CASK: variants seen among roughly 807,000 people sequenced by gnomAD.
The protein encoded by CASK is peripheral plasma membrane protein CASK.
CASK carries 4 observed loss-of-function variants against 82.9 expected under a neutral mutation model. The ratio of observed to expected loss-of-function variants is 0.05; its 90% CI spans 0.02 to 0.11. The LOEUF (loss-of-function observed/expected upper bound fraction) is 0.11. Ranked by LOEUF, CASK falls within the 10% of genes least tolerant of loss-of-function variation. The pLI is 1.00. For synonymous variants in CASK, 259 were observed against 253.5 expected (o/e 1.02, Z -0.20); for missense variants, 358 against 720.9 (o/e 0.50, Z 5.76).
chrX:41,770,201 GTT>G (rs112128637), intron 3 of CASK, among the ~76,000 whole-genome samples: 77 of 97,975 alleles, frequency 7.9e-4, no homozygotes, highest in African/African-American at 2.6e-3. Flanking sequence ...AGCTGAGCTT[GTT>G]TTTTTTTTTT....
intron 2 of CASK, among the ~76,000 whole-genome samples, chrX:41,840,960 G>A (rs1411446805): frequency 9.0e-6 from 1 of 111,697 alleles, no homozygotes; most frequent in Non-Finnish European, 1.9e-5. Flanking sequence ...TGACCATTTG[G>A]TTTGTTTCCA....
chrX:41,809,553 A>C (rs924730808), intron 2 of CASK, among the ~76,000 whole-genome samples: 5 of 112,435 alleles, frequency 4.4e-5, no homozygotes, highest in African/African-American at 1.6e-4. Context: ...GAAAACTAAC[A>C]AACAGAAAGG....
At chrX:41,772,684 T>C (rs902242454) in intron 3 of CASK, among the ~76,000 whole-genome samples, 4 of 111,196 alleles carry the variant, frequency 3.6e-5, no homozygotes. Flanking sequence ...GATTTAGAGG[T>C]GAGTTCTACA....
At chrX:41,596,461 G>A (rs1001497693) in intron 12 of CASK, among the ~76,000 whole-genome samples, 3 of 112,180 alleles carry the variant, frequency 2.7e-5, no homozygotes, top group African/African-American at 9.7e-5. Flanking sequence ...AAGTTATATT[G>A]GAATGACAAA....
At chrX:41,534,381 A>G (rs1383279937) in intron 24 of CASK, among the ~76,000 whole-genome samples, 2 of 89,273 alleles carry the variant, frequency 2.2e-5, no homozygotes, top group Middle Eastern at 5.4e-3. Context: ...GATAAAACTA[A>G]TTTTATTTAA....
chrX:41,574,263 C>T (rs1367536381), intron 15 of CASK, among the ~76,000 whole-genome samples: 1 of 110,906 alleles, frequency 9.0e-6, no homozygotes, highest in Non-Finnish European at 1.9e-5. Flanking sequence ...GCCTACTCTG[C>T]CTTAGTTCCC....
chrX:41,809,853 C>T (rs146122278), intron 2 of CASK, among the ~76,000 whole-genome samples: 133 of 111,485 alleles, frequency 1.2e-3, no homozygotes, highest in African/African-American at 4.1e-3. Flanking sequence ...AAAGATGAGA[C>T]GAATGGCTAA....
intron 8 of CASK, among the ~76,000 whole-genome samples, chrX:41,653,068 T>C (rs997084198): frequency 8.0e-5 from 9 of 112,610 alleles, no homozygotes; most frequent in Non-Finnish European, 1.7e-4. Context: ...GCTGATTACT[T>C]GCTTCTTAAT....
Position 41,905,647 on chromosome X carries a change from G to A in CASK, c.59+17283C>T, listed in dbSNP as rs1332970892. ...GCAGGATTTGGCCTATGGCCCCTTC[G>A]CTTTGCCTAAGGCTGGGTGGGACTA... is the stretch of plus-strand genomic sequence containing the variant. On this transcript the variant is annotated intron_variant, in intron 1 of 26. Coordinates refer to ENST00000378163, the MANE Select transcript of CASK (RefSeq NM_001367721.1). Among the ~76,000 whole-genome samples the A allele has an allele frequency of 4.4e-5, 5 of 113,107 alleles. No individual in the cohort carries two copies. In the South Asian group the frequency reaches 1.1e-3, roughly 24 times the overall value.
chrX:41,726,515 A>G (rs2068263249), intron 5 of CASK, among the ~76,000 whole-genome samples: 1 of 111,749 alleles, frequency 8.9e-6, no homozygotes, highest in African/African-American at 3.3e-5. Flanking sequence ...ACAAAAAGAC[A>G]CCATTTTGAA....
intron 3 of CASK, among the ~76,000 whole-genome samples, chrX:41,751,309 GA>G (rs1275287666): frequency 9.0e-6 from 1 of 111,049 alleles, no homozygotes; most frequent in Non-Finnish European, 1.9e-5. Context: ...GGCTGGTCTG[GA>G]ATTCCCGGGC....
intron 22 of CASK, among the ~76,000 whole-genome samples, chrX:41,540,349 C>T (rs1259420913): frequency 8.9e-6 from 1 of 112,135 alleles, no homozygotes; most frequent in East Asian, 2.8e-4. Context: ...TAGGCTCCTG[C>T]CTTCTATGTC....
chrX:41,614,729 C>T (rs2066164596), intron 11 of CASK, among the ~76,000 whole-genome samples: 1 of 111,782 alleles, frequency 8.9e-6, no homozygotes, highest in South Asian at 3.7e-4. Context: ...CCATGTTGGT[C>T]AGGTTGGTCT....
chrX:41,646,660 C>T (rs1488969616), intron 8 of CASK, among the ~76,000 whole-genome samples: 2 of 111,806 alleles, frequency 1.8e-5, no homozygotes, highest in Admixed American at 1.9e-4. Context: ...TCAGTATCAA[C>T]GTAGACCCAG....
At chrX:41,559,503 C>T (rs1355152532) in intron 18 of CASK, 12 of 321,666 alleles carry the variant, frequency 3.7e-5, no homozygotes, top group Non-Finnish European at 5.5e-5. Flanking sequence ...TCCGTTTTTT[C>T]CTTATTAAGC....
At chrX:41,650,859 A>G (rs2066854295) in intron 8 of CASK, among the ~76,000 whole-genome samples, 1 of 111,826 alleles carries the variant, frequency 8.9e-6, no homozygotes, top group Non-Finnish European at 1.9e-5. Flanking sequence ...ATAAATACAC[A>G]TGGACAAATA....
chrX:41,553,736 A>G lies in CASK; in HGVS notation c.2022T>C (p.Ser674=), dbSNP rs2065127897. The G allele has an allele frequency of 8.3e-7, 1 of 1,201,961 alleles. No individual in the cohort carries two copies. Among genetic ancestry groups the G allele is most frequent in the Non-Finnish European group, 1.1e-6 (1 of 887,386 alleles). Residue 674 remains serine, a synonymous_variant, in exon 21 of 27, where the codon TCT becomes TCC. Transcript: ENST00000378163. ...AAACATACCATTCCTGAAGTTCAGG[A>G]GAAGGAATGAGACCTGCAGTTCCAT... ...SKNGTAGLIP[S]PELQEWRVAC... is the part of the protein sequence containing the mutation.
intron 4 of CASK, among the ~76,000 whole-genome samples, chrX:41,741,454 T>C (rs2068596694): frequency 8.9e-6 from 1 of 112,234 alleles, no homozygotes; most frequent in Non-Finnish European, 1.9e-5. Flanking sequence ...AAAGTGGACA[T>C]AGCTTGTACC....
chrX:41,605,648 A>G (rs773574947), intron 12 of CASK, among the ~76,000 whole-genome samples: 3 of 111,912 alleles, frequency 2.7e-5, no homozygotes, highest in Non-Finnish European at 5.6e-5. Flanking sequence ...CAAATCAACC[A>G]TGGTATGTGG....
Sources: gnomAD v4.1 joint callset for allele counts (sites outside exome capture counted in the v4.1 genomes callset) on GRCh38, gnomAD v4.1.1 for gene constraint, MANE v1.5 for transcripts, NCBI Gene and HGNC (gene_info 2026-07-23, HGNC 2026-07-21) for gene names.